SHANK2: variants seen among roughly 807,000 people sequenced by gnomAD.
SHANK2 encodes the protein SH3 and multiple ankyrin repeat domains protein 2.
SHANK2 carries 43 observed loss-of-function variants against 133.7 expected under a neutral mutation model. The observed-to-expected ratio is 0.32, with a 90% confidence interval of 0.25 to 0.41. The LOEUF (loss-of-function observed/expected upper bound fraction) is 0.41, where lower values mean the gene tolerates loss of function less well. SHANK2 is among the 10% of genes least tolerant of loss of function. The pLI is 1.00. For missense variants in SHANK2, 1,994 were observed against 2,235.8 expected, an observed-to-expected ratio of 0.89 and a Z score of 2.18; for synonymous variants, 1,017 against 952.8, an observed-to-expected ratio of 1.07 and a Z score of -1.24.
At chr11:71,200,862 AC>A (rs1954005828) in intron 2 of SHANK2, among the ~76,000 whole-genome samples, 1 of 150,796 alleles carries the variant, frequency 6.6e-6, no homozygotes, top group South Asian at 2.1e-4. Context: ...ACACACACAC[AC>A]ACTTCAGATC....
At chr11:71,080,406 G>A (rs1274719287) in intron 8 of SHANK2, among the ~76,000 whole-genome samples, 4 of 152,224 alleles carry the variant, frequency 2.6e-5, no homozygotes, top group Non-Finnish European at 4.4e-5. Context: ...GCCATTTAAC[G>A]CCACCTGCTG....
intron 2 of SHANK2, among the ~76,000 whole-genome samples, chr11:71,189,427 C>T (rs1953744851): frequency 1.3e-5 from 2 of 152,306 alleles, no homozygotes; most frequent in Admixed American, 6.5e-5. Flanking sequence ...GATTGAGTCC[C>T]ACCCTGTTGT....
At chr11:71,124,106 G>C (rs1459685376) in intron 3 of SHANK2, among the ~76,000 whole-genome samples, 1 of 145,024 alleles carries the variant, frequency 6.9e-6, no homozygotes, top group Non-Finnish European at 1.5e-5. Context: ...TAGTGATCAT[G>C]ATGGTGATGA....
chr11:71,133,370 G>GGCTGGC, intron 3 of SHANK2, among the ~76,000 whole-genome samples: 1 of 45,788 alleles, frequency 2.2e-5, no homozygotes, highest in South Asian at 6.6e-4. Context: ...GGCTGGCTGG[G>GGCTGGC]TAGGTGGGTG....
Position 70,500,727 on chromosome 11 carries a change from G to T in SHANK2, c.2288-137C>A. The T allele has an allele frequency of 9.1e-7, 1 of 1,102,794 alleles. No individual in the cohort carries two copies. Among genetic ancestry groups the T allele is most frequent in the Non-Finnish European group, 1.4e-6 (1 of 737,300 alleles). The allele number at this position is 1,102,794 out of a possible 1,614,324, so 68.3% of individuals were successfully genotyped here. A position where few individuals can be genotyped will look rare whatever the true frequency, so the allele number is the denominator to read the frequency against. ...TGGGGCGGCAGGCAGGGGCTGTCTG[G>T]AACGCTGCGAACGCAGGCTGCGCTA... On this transcript the variant is annotated intron_variant, in intron 20 of 25. Transcript: ENST00000601538. The surrounding 1 kb of genome is among the most constrained non-coding windows in gnomAD (Gnocchi z 4.5).
At chr11:70,738,557 C>G (rs1269421819) in intron 14 of SHANK2, among the ~76,000 whole-genome samples, 1 of 152,194 alleles carries the variant, frequency 6.6e-6, no homozygotes, top group Non-Finnish European at 1.5e-5. Flanking sequence ...ACAAAGCTGC[C>G]CCATGGTGTT....
rs1005949573 is a variant in SHANK2, at chr11:71,075,845, C to A, written c.913-570G>T. Among the ~76,000 whole-genome samples the A allele has an allele frequency of 3.0e-4, 45 of 152,312 alleles. 1 individual carries two copies. In the South Asian group the frequency reaches 8.7e-3, roughly 29 times the overall value. ...TTGCAGGACGCAGGGGTAGGGCAGA[C>A]CCATACTATGATAACTCCTCTCTGA... is the stretch of plus-strand genomic sequence containing the variant. On this transcript the variant is annotated intron_variant, in intron 8 of 25. Coordinates refer to ENST00000601538, the MANE Select transcript of SHANK2 (RefSeq NM_012309.5).
chr11:70,853,259 C>T (rs1555066137), intron 11 of SHANK2, among the ~76,000 whole-genome samples: 1 of 152,232 alleles, frequency 6.6e-6, no homozygotes, highest in Admixed American at 6.5e-5. Context: ...GAAACTCCAG[C>T]CAGGTGGACC....
intron 15 of SHANK2, among the ~76,000 whole-genome samples, chr11:70,671,038 C>T (rs911866072): frequency 6.6e-6 from 1 of 152,200 alleles, no homozygotes; most frequent in Non-Finnish European, 1.5e-5. Flanking sequence ...CTCCTCATTG[C>T]TAACATGATA....
chr11:70,681,541 G>T (rs573972379), intron 15 of SHANK2, among the ~76,000 whole-genome samples: 2 of 152,092 alleles, frequency 1.3e-5, no homozygotes, highest in African/African-American at 4.8e-5. Context: ...ACCCACCAGC[G>T]GCACTGCCTC....
rs782694377 is a variant in SHANK2 at position 70,502,819 on chromosome 11, G to T, written c.2174C>A (p.Pro725His). The change falls in exon 18 of 26, where the codon CCC becomes CAC. Residue 725 changes from proline to histidine, a missense_variant. By Grantham distance (77) the Pro-to-His change is moderately conservative. Transcript: ENST00000601538. The part of the protein sequence containing the change: ...KVVTVTRNLD[P>H]DDTARKKAPP... ...ACCTTTCTTCCTGGCGGTGTCGTCG[G>T]GGTCCAGATTCCTGGTCACCGTGAC... 6 of 1,612,500 alleles carry T rather than the reference G, an allele frequency of 3.7e-6. No homozygotes were observed. The highest frequency in any genetic ancestry group is 5.1e-6 in the Non-Finnish European group (6 of 1,179,866).
chr11:71,149,862 G>GGAAA (rs1175165253), intron 2 of SHANK2, among the ~76,000 whole-genome samples: 1 of 93,154 alleles, frequency 1.1e-5, no homozygotes, highest in Non-Finnish European at 2.1e-5. Context: ...AGGGAGGGAA[G>GGAAA]GAAAGAAGGA....
chr11:70,749,438 T>C (rs1591811364), intron 14 of SHANK2, among the ~76,000 whole-genome samples: 2 of 152,170 alleles, frequency 1.3e-5, no homozygotes, highest in East Asian at 3.8e-4. Flanking sequence ...AAACAAATCA[T>C]AAACATCCTC....
intron 10 of SHANK2, among the ~76,000 whole-genome samples, chr11:70,919,375 T>C (rs1555080394): frequency 1.3e-5 from 2 of 150,082 alleles, no homozygotes; most frequent in South Asian, 2.1e-4. Flanking sequence ...ACTACTTCTT[T>C]TTTTTTTTTT....
chr11:70,935,846 A>G (rs1555083364), intron 10 of SHANK2, among the ~76,000 whole-genome samples: 1 of 152,174 alleles, frequency 6.6e-6, no homozygotes, highest in Non-Finnish European at 1.5e-5. Flanking sequence ...GTTCCTCGTC[A>G]TGTGAGCGGG....
At chr11:70,647,030 T>G (rs1018780061) in intron 17 of SHANK2, among the ~76,000 whole-genome samples, 1 of 151,590 alleles carries the variant, frequency 6.6e-6, no homozygotes, top group Non-Finnish European at 1.5e-5. Flanking sequence ...CCCAGCAAAT[T>G]TTTGTATTTT....
At chr11:70,531,155 C>CA (rs58867931) in intron 17 of SHANK2, among the ~76,000 whole-genome samples, 1,572 of 88,180 alleles carry the variant, frequency 0.018, 147 homozygotes, top group Non-Finnish European at 0.027. Flanking sequence ...ACGACTGTCT[C>CA]AAAAAAAAAA....
At chr11:70,829,240 C>A (rs900410952) in intron 11 of SHANK2, among the ~76,000 whole-genome samples, 1 of 152,180 alleles carries the variant, frequency 6.6e-6, no homozygotes, top group Non-Finnish European at 1.5e-5. Context: ...GAGGCCCTGC[C>A]CCATCTAAAC....
At chr11:71,218,999 C>G (rs555569663) in intron 2 of SHANK2, among the ~76,000 whole-genome samples, 1 of 152,196 alleles carries the variant, frequency 6.6e-6, no homozygotes, top group Non-Finnish European at 1.5e-5. Flanking sequence ...ACACAGACAT[C>G]GCAGAAGAAT....
Sources: allele counts gnomAD v4.1 joint callset (sites outside exome capture counted in the v4.1 genomes callset), GRCh38; gene constraint gnomAD v4.1.1; non-coding constraint Gnocchi (gnomAD v3.1); transcripts MANE v1.5; gene names NCBI Gene and HGNC (gene_info 2026-07-23, HGNC 2026-07-21).